Variants in TXNDC16 observed in about 807,000 individuals in gnomAD.
The protein encoded by TXNDC16 is thioredoxin domain containing 16.
In TXNDC16, 74 loss-of-function variants were observed where a neutral mutation model predicts 85.6. The ratio of observed to expected loss-of-function variants is 0.86; its 90% confidence interval spans 0.72 to 1.05. The LOEUF is 1.05. Among genes scored for constraint, TXNDC16 ranks in the 50% least tolerant of loss-of-function variants. The probability of loss-of-function intolerance (pLI) is 0.00; values close to 1 mark genes in which losing one functional copy is unlikely to be tolerated. For missense variants in TXNDC16, 959 were observed against 947.0 expected, an observed-to-expected ratio of 1.01 and a Z score of -0.17; for synonymous variants, 335 against 326.5, an observed-to-expected ratio of 1.03 and a Z score of -0.28.
chr14:52,484,206 G>T lies in TXNDC16; in HGVS notation c.1109-1241C>A, dbSNP rs551077381. On this transcript the variant is annotated intron_variant, in intron 12 of 20. Coordinates refer to ENST00000281741, the MANE Select transcript of TXNDC16 (RefSeq NM_020784.3). ...TTTGCTACAAAACAATAAGGGGGGG[G>T]GGTGATTGGAGCAGAATGAGCCATG... is the stretch of plus-strand genomic sequence containing the variant. Among the ~76,000 whole-genome samples, 78 of 150,576 alleles carry T rather than the reference G, an allele frequency of 5.2e-4. 1 individual carries two copies. In the South Asian group the frequency reaches 5.2e-3, roughly 10 times the overall value.
chr14:52,436,119 C>T (rs138769657), intron 20 of TXNDC16, among the ~76,000 whole-genome samples: 1,934 of 152,278 alleles, frequency 0.013, 20 homozygotes, highest in Non-Finnish European at 0.019. Flanking sequence ...AAACCATATA[C>T]ATGTATGCTC....
At chr14:52,486,004 A>G (rs990250020) in intron 12 of TXNDC16, among the ~76,000 whole-genome samples, 1 of 152,164 alleles carries the variant, frequency 6.6e-6, no homozygotes, top group African/African-American at 2.4e-5. Context: ...GTTGCACTAT[A>G]TAACTTAAAG....
At chr14:52,486,281 C>CT (rs35703912) in intron 12 of TXNDC16, among the ~76,000 whole-genome samples, 23,269 of 114,346 alleles carry the variant, frequency 0.2, 3,196 homozygotes, top group Admixed American at 0.22. Flanking sequence ...ACACATGCTG[C>CT]TTTTTTTTTT....
chr14:52,525,552 G>A (rs966356643), intron 6 of TXNDC16, among the ~76,000 whole-genome samples: 16 of 149,878 alleles, frequency 1.1e-4, no homozygotes, highest in Admixed American at 4.0e-4. Flanking sequence ...AAAAAAATTA[G>A]CCAGGTATGG....
intron 6 of TXNDC16, among the ~76,000 whole-genome samples, chr14:52,524,531 G>A (rs2037282128): frequency 6.6e-6 from 1 of 151,902 alleles, no homozygotes; most frequent in South Asian, 2.1e-4. Flanking sequence ...GTCTTGCTCT[G>A]TCACACAGGC....
intron 1 of TXNDC16, among the ~76,000 whole-genome samples, chr14:52,546,293 A>G (rs776877181): frequency 1.3e-5 from 2 of 152,138 alleles, no homozygotes; most frequent in African/African-American, 4.8e-5. Context: ...ACAAACAAAC[A>G]AACGAACAAA....
chr14:52,441,288 A>C (rs1055946874), intron 18 of TXNDC16, among the ~76,000 whole-genome samples: 2 of 152,208 alleles, frequency 1.3e-5, no homozygotes, highest in African/African-American at 4.8e-5. Context: ...TTAGAAATCT[A>C]ATCCTTTTAT....
chr14:52,439,333 G>A lies in TXNDC16; in HGVS notation c.2065C>T (p.Pro689Ser). The part of the protein sequence containing the change: ...RAYFDPLPPL[P>S]LLVLVNLHSG... ...TGCAGATTCACCAAAACAAGAAGAG[G>A]AAGGGGAGGCAGAGGATCAAAATAT... is the stretch of plus-strand genomic sequence containing the variant. Residue 689 changes from proline (P) to serine (S), a missense_variant, in exon 20 of 21, where the codon CCT (proline) becomes TCT (serine). By Grantham distance (74) the Pro-to-Ser change is moderately conservative. Transcript: ENST00000281741. 6.2e-7 allele frequency: 1 copy of A among 1,614,038 alleles called. No homozygotes were observed. The highest frequency in any genetic ancestry group is 1.3e-5 in the African/African-American group (1 of 75,044).
At chr14:52,449,660 G>A (rs1407115610) in intron 18 of TXNDC16, among the ~76,000 whole-genome samples, 1 of 152,036 alleles carries the variant, frequency 6.6e-6, no homozygotes, top group Non-Finnish European at 1.5e-5. Flanking sequence ...CTTCTCCTGA[G>A]CATATGGATC....
At chr14:52,477,860 A>G (rs1281277635) in intron 14 of TXNDC16, among the ~76,000 whole-genome samples, 2 of 152,132 alleles carry the variant, frequency 1.3e-5, no homozygotes, top group African/African-American at 2.4e-5. Context: ...TCTACCCAAC[A>G]ACCACAGAAT....
intron 14 of TXNDC16, among the ~76,000 whole-genome samples, chr14:52,471,913 C>A (rs1045386453): frequency 6.7e-6 from 1 of 149,578 alleles, no homozygotes; most frequent in African/African-American, 2.5e-5. Flanking sequence ...CCATACAACT[C>A]GAAAGAATAA....
At chr14:52,464,117 TATG>T (rs2035716904) in intron 16 of TXNDC16, among the ~76,000 whole-genome samples, 1 of 152,230 alleles carries the variant, frequency 6.6e-6, no homozygotes, top group African/African-American at 2.4e-5. Flanking sequence ...TGTGTAAAAA[TATG>T]ATCAAGTACA....
chr14:52,546,180 G>A (rs145927441), intron 1 of TXNDC16, among the ~76,000 whole-genome samples: 1 of 152,148 alleles, frequency 6.6e-6, no homozygotes, highest in Non-Finnish European at 1.5e-5. Flanking sequence ...TCAGCTACCA[G>A]GGAAGCTAAG....
intron 9 of TXNDC16, among the ~76,000 whole-genome samples, chr14:52,495,179 G>T (rs935768851): frequency 2.6e-5 from 4 of 152,192 alleles, no homozygotes; most frequent in African/African-American, 9.7e-5. Context: ...TCTGCTTCAT[G>T]TGGCATTAGT....
chr14:52,486,272 C>T (rs1396277843), intron 12 of TXNDC16, among the ~76,000 whole-genome samples: 4 of 148,060 alleles, frequency 2.7e-5, no homozygotes, highest in African/African-American at 7.4e-5. Context: ...TTTTCAGTCA[C>T]ACATGCTGCT....
At chr14:52,447,414 T>G (rs2035310664) in intron 18 of TXNDC16, among the ~76,000 whole-genome samples, 1 of 152,130 alleles carries the variant, frequency 6.6e-6, no homozygotes, top group Non-Finnish European at 1.5e-5. Flanking sequence ...GGGCCTTAAG[T>G]GAACATAGGC....
In TXNDC16 at chr14:52,511,328, G is replaced by T. The variant is rs770249163; in HGVS notation, c.668C>A (p.Thr223Asn). ...FFHCKLVLDL[T>N]QQCRRTLMEQ... Reference sequence around the variant, plus strand: ...CATTAGTGTTCTTCTACATTGCTGGGTCAAGTCCAAGACTAGTTTACAATG... The same window carrying T: ...CATTAGTGTTCTTCTACATTGCTGGTTCAAGTCCAAGACTAGTTTACAATG... The change falls in exon 9 of 21, where the codon ACC becomes AAC. Residue 223 changes from threonine to asparagine, a missense_variant. By Grantham distance (65) the Thr-to-Asn change is moderately conservative (BLOSUM62 0). Transcript: ENST00000281741. 2 of 1,607,634 alleles carry T rather than the reference G, an allele frequency of 1.2e-6. No individual in the cohort carries two copies. Among genetic ancestry groups the T allele is most frequent in the Non-Finnish European group, 1.7e-6 (2 of 1,175,676 alleles).
At position 52,482,805 on chromosome 14, in the gene TXNDC16, T is replaced by C. The variant is rs115293204; in HGVS notation, c.1252+17A>G. On this transcript the variant is annotated intron_variant, in intron 13 of 20. Coordinates refer to ENST00000281741, the MANE Select transcript of TXNDC16 (RefSeq NM_020784.3). ...AATGTCCTAATATGTAACAGTCCTC[T>C]AAAGGCTCATACTCACAACCAGCAT... The C allele has an allele frequency of 3.7e-4, 592 of 1,579,032 alleles. 2 individuals are homozygous for C. The African/African-American group carries it at 7.3e-3, about 19-fold the overall frequency.
intron 3 of TXNDC16, among the ~76,000 whole-genome samples, chr14:52,542,891 A>G (rs190869616): frequency 6.6e-6 from 1 of 152,294 alleles, no homozygotes; most frequent in Admixed American, 6.5e-5. Context: ...AGTACTTTTA[A>G]GACATGAAGA....
Sources: allele counts gnomAD v4.1 joint callset (sites outside exome capture counted in the v4.1 genomes callset), GRCh38; gene constraint gnomAD v4.1.1; transcripts MANE v1.5; gene names NCBI Gene and HGNC (gene_info 2026-07-23, HGNC 2026-07-21).